The following PRDM5 variants were observed in gnomAD, a reference collection of about 807,000 sequenced individuals.
PRDM5 encodes PR/SET domain 5.
Under a neutral mutation model 81.2 loss-of-function variants are expected in PRDM5, and 56 were observed. The observed-to-expected ratio is 0.69, with a 90% CI of 0.56 to 0.86. The LOEUF (loss-of-function observed/expected upper bound fraction) is 0.86. Among genes scored for constraint, PRDM5 ranks in the 40% least tolerant of loss-of-function variants. PRDM5 has a pLI of 0.00. For missense variants in PRDM5, 697 were observed against 770.1 expected, an observed-to-expected ratio of 0.91 and a Z score of 1.12; for synonymous variants, 267 against 256.4, an observed-to-expected ratio of 1.04 and a Z score of -0.39.
chr4:120,710,220 G>GACAC (rs1553945560), intron 15 of PRDM5, 89 bp downstream of exon 15: 132 of 981,798 alleles, frequency 1.3e-4, no homozygotes, highest in East Asian at 1.1e-3. Flanking sequence ...CACACACACA[G>GACAC]ACACACACAC....
intron 1 of PRDM5, among the ~76,000 whole-genome samples, chr4:120,912,953 A>G (rs1353227372): frequency 6.6e-6 from 1 of 152,222 alleles, no homozygotes; most frequent in African/African-American, 2.4e-5. Flanking sequence ...TTGCAATATA[A>G]TTAGACCTTC....
In PRDM5 at chr4:120,744,836, G is replaced by A. The variant is rs866266577; in HGVS notation, c.1623+9717C>T. Among the ~76,000 whole-genome samples, 984 of 145,062 alleles carry A rather than the reference G, an allele frequency of 6.8e-3. 7 individuals are homozygous for A. Among genetic ancestry groups the A allele is most frequent in the Admixed American group, 0.011 (161 of 14,388 alleles). ...TCCAGGACCAGATGGATTCACAGCC[G>A]AATTCTACCAGAGGTACAAGGAGGA... On this transcript the variant is annotated intron_variant, in intron 14 of 15. Transcript: ENST00000264808.
intron 14 of PRDM5, among the ~76,000 whole-genome samples, chr4:120,737,146 A>G (rs1741235614): frequency 6.6e-6 from 1 of 152,160 alleles, no homozygotes; most frequent in Non-Finnish European, 1.5e-5. Context: ...TCAGAGGATC[A>G]CAGATCTCTG....
chr4:120,795,933 G>T (rs1204119170), intron 10 of PRDM5, among the ~76,000 whole-genome samples: 1 of 151,822 alleles, frequency 6.6e-6, no homozygotes, highest in Non-Finnish European at 1.5e-5. Flanking sequence ...AATAATTTCT[G>T]TATATGCTAT....
intron 3 of PRDM5, among the ~76,000 whole-genome samples, chr4:120,848,407 T>C (rs947619156): frequency 7.9e-5 from 12 of 152,118 alleles, no homozygotes; most frequent in Non-Finnish European, 1.5e-5. Context: ...AATGAAGACA[T>C]ATAATCTGGA....
At chr4:120,860,502 T>C (rs1313955890) in intron 2 of PRDM5, among the ~76,000 whole-genome samples, 4 of 152,176 alleles carry the variant, frequency 2.6e-5, no homozygotes, top group Non-Finnish European at 1.5e-5. Flanking sequence ...AAACTGTCCT[T>C]TTCTATAGTT....
chr4:120,801,183 C>A (rs944186277), intron 8 of PRDM5, among the ~76,000 whole-genome samples: 5 of 152,148 alleles, frequency 3.3e-5, no homozygotes, highest in African/African-American at 1.2e-4. Context: ...GAGAAGTAAA[C>A]GCCCTTGTGC....
intron 2 of PRDM5, among the ~76,000 whole-genome samples, chr4:120,871,536 T>G (rs948480899): frequency 1.8e-4 from 27 of 152,218 alleles, no homozygotes; most frequent in African/African-American, 4.8e-5. Flanking sequence ...TGAGTTTTTG[T>G]TATTGCCACC....
chr4:120,775,333 G>A (rs1055469153), intron 13 of PRDM5, among the ~76,000 whole-genome samples: 47 of 152,108 alleles, frequency 3.1e-4, no homozygotes, highest in Admixed American at 4.6e-4. Context: ...GTAATTTTAT[G>A]GAGGATAATA....
intron 11 of PRDM5, among the ~76,000 whole-genome samples, chr4:120,783,489 G>C (rs1295084760): frequency 6.6e-6 from 1 of 152,032 alleles, no homozygotes; most frequent in African/African-American, 2.4e-5. Context: ...ATTCCTTGCT[G>C]TTATTAGAAA....
rs1361972332 is a variant in PRDM5, at chr4:120,743,317, G to A, written c.1623+11236C>T. Among the ~76,000 whole-genome samples, 3 of 151,912 alleles carry A rather than the reference G, an allele frequency of 2.0e-5. No individual in the cohort carries two copies. The South Asian group carries it at 6.2e-4, about 32-fold the overall frequency. ...AAAGGAACAACCGGTACCAGCCGCT[G>A]CAAAATCATGCCAAAATGTAAAGAC... On this transcript the variant is annotated intron_variant, in intron 14 of 15. Transcript: ENST00000264808.
chr4:120,915,666 G>A (rs762385826), intron 1 of PRDM5, among the ~76,000 whole-genome samples: 29 of 152,264 alleles, frequency 1.9e-4, no homozygotes, highest in Non-Finnish European at 3.5e-4. Flanking sequence ...CGGGGAGAAG[G>A]GAAAGAAACA....
chr4:120,791,367 T>C lies in PRDM5; in HGVS notation c.1189-6276A>G, dbSNP rs544042286. ...GAAGTAGGTTCCTGAATGATACATATGTGTCATAGTACTAGTTACTTTTAA... is the reference window on the plus strand; with the variant it reads ...GAAGTAGGTTCCTGAATGATACATACGTGTCATAGTACTAGTTACTTTTAA... On this transcript the variant is annotated intron_variant, in intron 10 of 15. Transcript: ENST00000264808. Among the ~76,000 whole-genome samples the C allele has an allele frequency of 1.2e-4, 19 of 152,336 alleles. No homozygotes were observed. The South Asian group carries it at 3.7e-3, about 30-fold the overall frequency.
intron 13 of PRDM5, among the ~76,000 whole-genome samples, chr4:120,761,933 ATG>A (rs1204003363): frequency 2.6e-5 from 4 of 152,266 alleles, no homozygotes; most frequent in South Asian, 4.1e-4. Context: ...ATGATAAATT[ATG>A]TGTCATGTAT....
intron 1 of PRDM5, among the ~76,000 whole-genome samples, chr4:120,919,070 A>G (rs1259810522): frequency 6.6e-6 from 1 of 152,024 alleles, no homozygotes; most frequent in Admixed American, 6.6e-5. Flanking sequence ...CTTCCTAGAG[A>G]ATCTCCTGGC....
chr4:120,844,736 C>T (rs536674208), intron 3 of PRDM5, among the ~76,000 whole-genome samples: 3 of 152,288 alleles, frequency 2.0e-5, no homozygotes, highest in South Asian at 4.1e-4. Flanking sequence ...AACAGTCACA[C>T]GTCTCTCACT....
Position 120,693,498 on chromosome 4 carries a change from TA to T in PRDM5, c.*1612del, listed in dbSNP as rs1386754360. ...GTCTATAATTTCAGATTCAAAATAC[TA>T]CATATAACTATACTTAAATATCTTC... On this transcript the variant is annotated 3_prime_UTR_variant, in exon 16 of 16. Transcript: ENST00000264808. 2 of 152,148 alleles carry T rather than the reference TA, an allele frequency of 1.3e-5. No homozygotes were observed. The highest frequency in any genetic ancestry group is 3.8e-4 in the East Asian group (2 of 5,196). 9.4% of individuals were successfully genotyped at this position (152,148 alleles called of 1,614,324 possible).
chr4:120,786,119 A>G (rs1449238015), intron 10 of PRDM5, among the ~76,000 whole-genome samples: 1 of 152,162 alleles, frequency 6.6e-6, no homozygotes, highest in Non-Finnish European at 1.5e-5. Context: ...TACATGTGAC[A>G]AAAACAAAAA....
At chr4:120,873,521 A>T (rs991315496) in intron 2 of PRDM5, among the ~76,000 whole-genome samples, 1 of 152,298 alleles carries the variant, frequency 6.6e-6, no homozygotes, top group South Asian at 2.1e-4. Context: ...ACTATCACAC[A>T]ATCCACATTT....
Sources: gnomAD v4.1 joint callset for allele counts (sites outside exome capture counted in the v4.1 genomes callset) on GRCh38, gnomAD v4.1.1 for gene constraint, MANE v1.5 for transcripts, NCBI Gene and HGNC (gene_info 2026-07-23, HGNC 2026-07-21) for gene names.